The following SULF1 variants were observed in gnomAD, a reference collection of about 807,000 sequenced individuals.
SULF1 encodes sulfatase 1.
In SULF1, 46 loss-of-function variants were observed where a neutral mutation model predicts 110.5. The observed-to-expected ratio is 0.42, with a 90% CI of 0.33 to 0.53. The LOEUF is 0.53. SULF1 is among the 20% of genes least tolerant of loss of function. SULF1 has a pLI of 0.12. For synonymous variants in SULF1, 371 were observed against 387.1 expected (o/e 0.96, Z 0.49); for missense variants, 941 against 1,094.2 (o/e 0.86, Z 1.98).
At chr8:69,554,660 T>TA (rs34899318) in intron 3 of SULF1, among the ~76,000 whole-genome samples, 19 of 149,582 alleles carry the variant, frequency 1.3e-4, no homozygotes, top group East Asian at 2.0e-4. Flanking sequence ...TTAGCCTTTC[T>TA]AAAAAAAAAG....
chr8:69,515,612 T>C (rs958709449), intron 3 of SULF1, among the ~76,000 whole-genome samples: 3 of 152,170 alleles, frequency 2.0e-5, no homozygotes, highest in Non-Finnish European at 4.4e-5. Flanking sequence ...CCCCAGAAAA[T>C]GGGTTTTTCT....
intron 22 of SULF1, among the ~76,000 whole-genome samples, chr8:69,655,796 A>G (rs1257251016): frequency 3.3e-5 from 5 of 152,330 alleles, no homozygotes; most frequent in Non-Finnish European, 7.3e-5. Context: ...CCTGAATCAT[A>G]CTGAATGAGA....
At chr8:69,653,358 C>T (rs536275087) in intron 22 of SULF1, among the ~76,000 whole-genome samples, 1 of 152,334 alleles carries the variant, frequency 6.6e-6, no homozygotes, top group South Asian at 2.1e-4. Flanking sequence ...GCATGAGCCA[C>T]ATCTCTTGTG....
At chr8:69,589,929 T>C (rs1467964895) in intron 8 of SULF1, among the ~76,000 whole-genome samples, 1 of 152,220 alleles carries the variant, frequency 6.6e-6, no homozygotes, top group Non-Finnish European at 1.5e-5. Flanking sequence ...GCTCTGTGTC[T>C]GCTGAAAGCC....
intron 13 of SULF1, among the ~76,000 whole-genome samples, chr8:69,615,766 A>G (rs1344879196): frequency 6.6e-6 from 1 of 152,272 alleles, no homozygotes; most frequent in East Asian, 1.9e-4. Context: ...CCCATAGGAA[A>G]CCAACAAAGA....
chr8:69,525,948 T>A (rs1321715726), intron 3 of SULF1, among the ~76,000 whole-genome samples: 1 of 152,172 alleles, frequency 6.6e-6, no homozygotes, highest in African/African-American at 2.4e-5. Flanking sequence ...TTGGAACAAA[T>A]TTCTTGAAGC....
At chr8:69,637,438 C>T (rs946147580) in intron 19 of SULF1, among the ~76,000 whole-genome samples, 3 of 152,194 alleles carry the variant, frequency 2.0e-5, no homozygotes, top group Non-Finnish European at 4.4e-5. Context: ...AAGAAAATCA[C>T]TCGAATTTAG....
intron 22 of SULF1, among the ~76,000 whole-genome samples, chr8:69,648,139 GAA>G (rs112144677): frequency 0.051 from 6,055 of 117,690 alleles, 423 homozygotes; most frequent in African/African-American, 0.17. Flanking sequence ...TGTGCCTTCA[GAA>G]AAAAAAAAAA....
intron 22 of SULF1, among the ~76,000 whole-genome samples, chr8:69,645,629 G>A (rs1811842939): frequency 6.6e-6 from 1 of 152,186 alleles, no homozygotes; most frequent in Admixed American, 6.5e-5. Context: ...CCAAGGAGTT[G>A]GCATTTATGC....
chr8:69,618,162 G>A (rs1586562781), intron 13 of SULF1, among the ~76,000 whole-genome samples: 1 of 152,192 alleles, frequency 6.6e-6, no homozygotes, highest in East Asian at 1.9e-4. Context: ...TAATTAAGTT[G>A]ACTTCACAGT....
chr8:69,644,095 G>C (rs1322633767), intron 22 of SULF1, among the ~76,000 whole-genome samples: 1 of 152,180 alleles, frequency 6.6e-6, no homozygotes, highest in Non-Finnish European at 1.5e-5. Flanking sequence ...AGACCACACA[G>C]AGCTCCACCC....
chr8:69,489,634 A>G (rs548294102), upstream of SULF1, among the ~76,000 whole-genome samples: 2 of 129,060 alleles, frequency 1.5e-5, no homozygotes, highest in East Asian at 4.9e-4. Flanking sequence ...TGGAGTGCAG[A>G]GGGGCGATCT....
chr8:69,482,578 T>G, intron 1 of SULF1, among the ~76,000 whole-genome samples: 1 of 151,796 alleles, frequency 6.6e-6, no homozygotes, highest in East Asian at 1.9e-4. Context: ...AAATCTCTGT[T>G]TGTATATATA....
chr8:69,532,288 G>A (rs1813141521), intron 3 of SULF1, among the ~76,000 whole-genome samples: 1 of 152,118 alleles, frequency 6.6e-6, no homozygotes, highest in African/African-American at 2.4e-5. Flanking sequence ...TAAAATGATT[G>A]TTTCAAGCCA....
intron 8 of SULF1, among the ~76,000 whole-genome samples, chr8:69,598,123 AG>A (rs56398935): frequency 6.7e-6 from 1 of 150,260 alleles, no homozygotes; most frequent in East Asian, 1.9e-4. Context: ...AAAAAAAAAA[AG>A]GGGGGGACCA....
chr8:69,594,152 A>G (rs1222750153), intron 8 of SULF1, among the ~76,000 whole-genome samples: 1 of 152,154 alleles, frequency 6.6e-6, no homozygotes, highest in Non-Finnish European at 1.5e-5. Flanking sequence ...CCCAGGTTCA[A>G]ACCATTCTCC....
At chr8:69,591,421 A>T (rs1586490420) in intron 8 of SULF1, among the ~76,000 whole-genome samples, 1 of 152,016 alleles carries the variant, frequency 6.6e-6, no homozygotes, top group East Asian at 1.9e-4. Flanking sequence ...AAAATTAGCC[A>T]GGCGTGGTGG....
chr8:69,534,883 T>A (rs987489488), intron 3 of SULF1, among the ~76,000 whole-genome samples: 9 of 148,634 alleles, frequency 6.1e-5, no homozygotes, highest in Admixed American at 1.3e-4. Context: ...AAAAAAAAAA[T>A]TCAGCTAAGA....
intron 6 of SULF1, among the ~76,000 whole-genome samples, chr8:69,579,564 C>A (rs7004984): frequency 0.16 from 16,970 of 103,452 alleles, 3,148 homozygotes; most frequent in African/African-American, 0.49. Flanking sequence ...CACACACACA[C>A]AAAAAAAAAA....
Sources: gnomAD v4.1 joint callset for allele counts (sites outside exome capture counted in the v4.1 genomes callset) on GRCh38, gnomAD v4.1.1 for gene constraint, MANE v1.5 for transcripts, NCBI Gene and HGNC (gene_info 2026-07-23, HGNC 2026-07-21) for gene names.